GPR39: variants seen among roughly 807,000 people sequenced by gnomAD.
The protein encoded by GPR39 is G protein-coupled receptor 39.
GPR39 carries 23 observed loss-of-function variants against 18.4 expected under a neutral mutation model. The ratio of observed to expected loss-of-function variants is 1.25; its 90% CI spans 0.90 to 1.77. The LOEUF is 1.77. GPR39 is among the 40% of genes most tolerant of loss of function. The pLI is 0.00. For synonymous variants in GPR39, 280 were observed against 257.9 expected (o/e 1.09, Z -0.82); for missense variants, 647 against 602.4 (o/e 1.07, Z -0.78).
rs983503393 is a variant in GPR39 at position 132,645,668 on chromosome 2, C to T, written c.*62C>T. The T allele has an allele frequency of 8.4e-6, 13 of 1,550,850 alleles. No individual in the cohort carries two copies. In the African/African-American group the frequency reaches 1.5e-4, roughly 18 times the overall value. ...TCCAGCCCTAAGAAAACGTCACTCT[C>T]ACTCTGCAGTCTCAAACTATGCCCC... is the stretch of plus-strand genomic sequence containing the variant. On this transcript the variant is annotated 3_prime_UTR_variant, in exon 2 of 2. Transcript: ENST00000329321.
Position 132,417,652 on chromosome 2 carries a change from AC to A in GPR39, c.612del (p.Ser205ProfsTer34). Reference sequence around the variant, plus strand: ...CACCCGCCACCACGAGCAGCCCGAGACCTCCAATATGTCCATCTGTACCAAC... The same window carrying A: ...CACCCGCCACCACGAGCAGCCCGAGACTCCAATATGTCCATCTGTACCAAC... ...SSTRHHEQPE[T>X]SNMSICTNLS... On this transcript the variant is annotated frameshift_variant, in exon 1 of 2. Transcript: ENST00000329321. LOFTEE classifies it high-confidence loss of function. 7 of 1,613,854 alleles carry A rather than the reference AC, an allele frequency of 4.3e-6. No homozygotes were observed. Among genetic ancestry groups the A allele is most frequent in the Non-Finnish European group, 5.9e-6 (7 of 1,179,976 alleles).
Position 132,416,943 on chromosome 2 carries a change from C to G in GPR39, c.-100C>G. The G allele has an allele frequency of 7.1e-7, 1 of 1,409,172 alleles. No homozygotes were observed. The highest frequency in any genetic ancestry group is 1.3e-5 in the South Asian group (1 of 74,880). The allele number at this position is 1,409,172 out of a possible 1,614,324, so 87.3% of individuals were successfully genotyped here. On this transcript the variant is annotated 5_prime_UTR_variant, in exon 1 of 2. Coordinates refer to ENST00000329321, the MANE Select transcript of GPR39 (RefSeq NM_001508.3). ...AACTCGAGTGAGATAAAATCGTGCG[C>G]CCACGCAGGTGAGTTTGCAGCCAAG...
chr2:132,462,824 T>G (rs930758017), intron 1 of GPR39, among the ~76,000 whole-genome samples: 1 of 152,204 alleles, frequency 6.6e-6, no homozygotes, highest in African/African-American at 2.4e-5. Flanking sequence ...TCACACAGTT[T>G]TTGTGAGAAC....
At chr2:132,433,761 G>T (rs1395845195) in intron 1 of GPR39, 1 of 148,182 alleles carries the variant, frequency 6.7e-6, no homozygotes, top group Non-Finnish European at 1.5e-5. Flanking sequence ...TATTACTACA[G>T]CTATGCCAGC....
intron 1 of GPR39, among the ~76,000 whole-genome samples, chr2:132,612,495 A>G (rs1274265611): frequency 2.6e-5 from 4 of 152,098 alleles, no homozygotes; most frequent in African/African-American, 9.7e-5. Flanking sequence ...TTAGATCTGC[A>G]CTCCTTCCAG....
At chr2:132,578,927 C>G (rs1258483777) in intron 1 of GPR39, among the ~76,000 whole-genome samples, 2 of 151,844 alleles carry the variant, frequency 1.3e-5, no homozygotes, top group Non-Finnish European at 2.9e-5. Flanking sequence ...TTCAAAGAAA[C>G]AGCTATTTTT....
Position 132,645,989 on chromosome 2 carries a change from G to A in GPR39, c.*383G>A. ...AAGAAACTCACTCAGGGAGGTGGGGGGTTGGGGGCGAGGGCTGGAAGAACA... is the reference window on the plus strand; with the variant it reads ...AAGAAACTCACTCAGGGAGGTGGGGAGTTGGGGGCGAGGGCTGGAAGAACA... On this transcript the variant is annotated 3_prime_UTR_variant, in exon 2 of 2. Coordinates refer to ENST00000329321, the MANE Select transcript of GPR39 (RefSeq NM_001508.3). 7.5e-7 allele frequency: 1 copy of A among 1,336,316 alleles called. No homozygotes were observed. Among genetic ancestry groups the A allele is most frequent in the Non-Finnish European group, 1.0e-6 (1 of 982,782 alleles). The allele number at this position is 1,336,316 out of a possible 1,614,324, so 82.8% of individuals were successfully genotyped here.
chr2:132,510,891 G>A (rs1352567488), intron 1 of GPR39, among the ~76,000 whole-genome samples: 1 of 152,150 alleles, frequency 6.6e-6, no homozygotes, highest in East Asian at 1.9e-4. Flanking sequence ...TATAAGGATA[G>A]CTCCTGAACT....
At chr2:132,516,425 G>C (rs1313370671) in intron 1 of GPR39, among the ~76,000 whole-genome samples, 1 of 152,122 alleles carries the variant, frequency 6.6e-6, no homozygotes, top group African/African-American at 2.4e-5. Flanking sequence ...GGTGGCCTTG[G>C]GTGTTCAATA....
At chr2:132,604,334 G>A (rs749008529) in intron 1 of GPR39, 1 of 152,164 alleles carries the variant, frequency 6.6e-6, no homozygotes, top group Non-Finnish European at 1.5e-5. Context: ...AACTACCGAA[G>A]CTCTGAGAAC....
chr2:132,625,412 A>G (rs916647607), intron 1 of GPR39, among the ~76,000 whole-genome samples: 1 of 152,124 alleles, frequency 6.6e-6, no homozygotes, highest in Non-Finnish European at 1.5e-5. Flanking sequence ...TTGTAGGACA[A>G]TTTTTGGAGT....
At chr2:132,435,146 A>G (rs750635525) in intron 1 of GPR39, among the ~76,000 whole-genome samples, 3 of 152,198 alleles carry the variant, frequency 2.0e-5, no homozygotes, top group Non-Finnish European at 4.4e-5. Context: ...CCATATGGAA[A>G]CATCTTTAGA....
At chr2:132,562,427 C>T (rs764838693) in intron 1 of GPR39, among the ~76,000 whole-genome samples, 11 of 152,132 alleles carry the variant, frequency 7.2e-5, no homozygotes, top group Non-Finnish European at 1.2e-4. Context: ...AGCCTCATTC[C>T]GTGTGGGTGC....
chr2:132,585,999 C>T (rs964367766), intron 1 of GPR39, among the ~76,000 whole-genome samples: 12 of 136,132 alleles, frequency 8.8e-5, no homozygotes, highest in Admixed American at 4.8e-4. Flanking sequence ...TGACCAGTGG[C>T]ACCGCAGAAA....
intron 1 of GPR39, among the ~76,000 whole-genome samples, chr2:132,460,267 C>G (rs906974878): frequency 2.0e-5 from 3 of 152,152 alleles, no homozygotes; most frequent in Non-Finnish European, 2.9e-5. Flanking sequence ...GGTCATACAT[C>G]CTATGCATTT....
At position 132,502,962 on chromosome 2, in the gene GPR39, T is replaced by C. The variant is rs559350221; in HGVS notation, c.856+85064T>C. ...GATCTCTGTTTCACTGAAGAATTTT[T>C]CTTTCACATCCTGTATCATGTTTTT... On this transcript the variant is annotated intron_variant, in intron 1 of 1. Coordinates refer to ENST00000329321, the MANE Select transcript of GPR39 (RefSeq NM_001508.3). 9.1e-4 allele frequency among the ~76,000 whole-genome samples: 139 copies of C among 152,286 alleles called. 1 individual carries two copies. In the South Asian group the frequency reaches 0.014, roughly 15 times the overall value.
chr2:132,538,961 C>A (rs562920131), intron 1 of GPR39, among the ~76,000 whole-genome samples: 3 of 152,132 alleles, frequency 2.0e-5, no homozygotes, highest in African/African-American at 7.2e-5. Context: ...GTGCTGGCAG[C>A]GGGAATTTCA....
intron 1 of GPR39, among the ~76,000 whole-genome samples, chr2:132,589,172 T>C (rs956258598): frequency 6.6e-6 from 1 of 152,274 alleles, no homozygotes; most frequent in African/African-American, 2.4e-5. Flanking sequence ...GTGGGACCCA[T>C]GTCTGCAACA....
intron 1 of GPR39, among the ~76,000 whole-genome samples, chr2:132,498,689 G>A (rs759418471): frequency 3.3e-5 from 5 of 152,008 alleles, no homozygotes; most frequent in Admixed American, 1.3e-4. Context: ...ACATTCCCAC[G>A]AGCAATGTGA....
Sources: allele counts gnomAD v4.1 joint callset (sites outside exome capture counted in the v4.1 genomes callset), GRCh38; gene constraint gnomAD v4.1.1; transcripts MANE v1.5; gene names NCBI Gene and HGNC (gene_info 2026-07-23, HGNC 2026-07-21).